Variants in PLPPR5 observed in about 807,000 individuals in gnomAD.
PLPPR5 encodes phospholipid phosphatase related 5, also known as phospholipid phosphatase-related protein type 5.
In PLPPR5, 16 loss-of-function variants were observed where a neutral mutation model predicts 33.9. That is an observed-to-expected ratio of 0.47 (90% CI 0.32 to 0.72). PLPPR5 has a LOEUF of 0.72. PLPPR5 is among the 30% of genes least tolerant of loss of function. PLPPR5 has a pLI of 0.03. For synonymous variants in PLPPR5, 163 were observed against 150.3 expected, an observed-to-expected ratio of 1.08 and a Z score of -0.62; for missense variants, 301 against 406.7, an observed-to-expected ratio of 0.74 and a Z score of 2.23.
chr1:98,953,384 T>C, intron 2 of PLPPR5, 64 bp from the exon 3 acceptor site: 1 of 1,423,416 alleles, frequency 7.0e-7, no homozygotes, highest in Non-Finnish European at 9.5e-7. Flanking sequence ...TGTGTGTGTG[T>C]GTGTGTGTGT....
chr1:98,898,612 ATTAG>A (rs1648571176), intron 5 of PLPPR5, among the ~76,000 whole-genome samples: 1 of 152,286 alleles, frequency 6.6e-6, no homozygotes, highest in East Asian at 1.9e-4. Flanking sequence ...TTAAGAAGAA[ATTAG>A]TTAAACTCAG....
chr1:98,966,689 G>A (rs533600167), intron 1 of PLPPR5, among the ~76,000 whole-genome samples: 21 of 152,186 alleles, frequency 1.4e-4, no homozygotes, highest in Admixed American at 1.2e-3. Context: ...TTTGAGTTGC[G>A]GATCTGAACC....
intron 1 of PLPPR5, among the ~76,000 whole-genome samples, chr1:98,969,608 C>T (rs527999408): frequency 2.2e-4 from 34 of 152,150 alleles, no homozygotes; most frequent in African/African-American, 8.2e-4. Flanking sequence ...CTTTTCCTCA[C>T]TGGACTTCCT....
At chr1:98,999,918 T>C (rs1652763361) in intron 1 of PLPPR5, among the ~76,000 whole-genome samples, 1 of 152,174 alleles carries the variant, frequency 6.6e-6, no homozygotes, top group South Asian at 2.1e-4. Context: ...GCTGCCTTGG[T>C]TGGTGCTGGT....
rs1648223575 is a variant in PLPPR5, at chr1:98,890,256, A to G, written c.*2816T>C. ...TTACAAAGTCAAAATTCAGTTTTCA[A>G]TTGAATTTTTAAATTTTTATTTGAA... is the stretch of plus-strand genomic sequence containing the variant. On this transcript the variant is annotated 3_prime_UTR_variant, in exon 6 of 6. Transcript: ENST00000263177. 6.8e-6 allele frequency: 1 copy of G among 146,456 alleles called. No individual in the cohort carries two copies. The highest frequency in any genetic ancestry group is 2.1e-4 in the South Asian group (1 of 4,664). 9.1% of individuals were successfully genotyped at this position (146,456 alleles called of 1,614,324 possible). A position where few individuals can be genotyped will look rare whatever the true frequency, so the allele number is the denominator to read the frequency against.
chr1:98,991,404 T>C (rs1046289774), intron 1 of PLPPR5: 1 of 152,132 alleles, frequency 6.6e-6, no homozygotes, highest in African/African-American at 2.4e-5. Context: ...CACTTTCTAC[T>C]CCATTTTCTA....
chr1:98,918,535 C>T (rs1649441708), intron 4 of PLPPR5, among the ~76,000 whole-genome samples: 2 of 152,068 alleles, frequency 1.3e-5, no homozygotes, highest in South Asian at 4.1e-4. Context: ...TAACCTGAAA[C>T]AAAATGCCCA....
rs187128816 is a variant in PLPPR5 at position 98,939,799 on chromosome 1, G to A, written c.621+13271C>T. Among the ~76,000 whole-genome samples the A allele has an allele frequency of 4.1e-4, 63 of 152,034 alleles. 1 individual carries two copies. The highest frequency in any genetic ancestry group is 6.6e-4 in the Non-Finnish European group (45 of 67,934). ...TTCCTGTTGTCTGGTCTTGGCTGTG[G>A]TTCTGGCTGCTTAGGTTCTATCAGT... On this transcript the variant is annotated intron_variant, in intron 3 of 5. Coordinates refer to ENST00000263177, the MANE Select transcript of PLPPR5 (RefSeq NM_001037317.2).
At chr1:98,933,806 ATG>A (rs1650075031) in intron 3 of PLPPR5, among the ~76,000 whole-genome samples, 1 of 152,180 alleles carries the variant, frequency 6.6e-6, no homozygotes, top group African/African-American at 2.4e-5. Flanking sequence ...GCATGTAGTG[ATG>A]TGAGGAAAGG....
At chr1:98,972,799 G>A (rs1276705890) in intron 1 of PLPPR5, among the ~76,000 whole-genome samples, 1 of 152,026 alleles carries the variant, frequency 6.6e-6, no homozygotes, top group African/African-American at 2.4e-5. Context: ...GCCCTGATCT[G>A]GGGCTAGTGT....
intron 1 of PLPPR5, among the ~76,000 whole-genome samples, chr1:99,002,018 G>GTAACTCAACAAATGATGGGTACTGT (rs1553173379): frequency 1.3e-5 from 2 of 152,034 alleles, no homozygotes; most frequent in Non-Finnish European, 2.9e-5. Context: ...GAAGAAAGTA[G>GTAACTCAACAAATGATGGGTACTGT]TAACTCAACA....
chr1:98,947,197 C>T (rs1392034453), intron 3 of PLPPR5, among the ~76,000 whole-genome samples: 1 of 152,134 alleles, frequency 6.6e-6, no homozygotes, highest in Non-Finnish European at 1.5e-5. Context: ...CATCATAAGC[C>T]CACATGCATT....
chr1:98,923,802 G>C (rs971365389), intron 3 of PLPPR5, among the ~76,000 whole-genome samples: 2 of 152,194 alleles, frequency 1.3e-5, no homozygotes, highest in South Asian at 2.1e-4. Context: ...AGGAAGAGAT[G>C]AGAAAGAGAA....
chr1:98,911,861 G>A (rs923251905), intron 5 of PLPPR5, among the ~76,000 whole-genome samples: 2 of 151,988 alleles, frequency 1.3e-5, no homozygotes, highest in Non-Finnish European at 2.9e-5. Flanking sequence ...CTGGGCTCAA[G>A]CAATCCTCCT....
chr1:98,891,666 T>G lies in PLPPR5; in HGVS notation c.*1406A>C, dbSNP rs560665350. ...ACAAAAAGCCTCACATCTAGACTCT[T>G]GATATTATCTTAAAACTGGATTATA... On this transcript the variant is annotated 3_prime_UTR_variant, in exon 6 of 6. Coordinates refer to ENST00000263177, the MANE Select transcript of PLPPR5 (RefSeq NM_001037317.2). 30 of 152,216 alleles carry G rather than the reference T, an allele frequency of 2.0e-4. No homozygotes were observed. The highest frequency in any genetic ancestry group is 6.5e-4 in the African/African-American group (27 of 41,554). 9.4% of individuals were successfully genotyped at this position (152,216 alleles called of 1,614,324 possible). A position where few individuals can be genotyped will look rare whatever the true frequency, so the allele number is the denominator to read the frequency against.
chr1:98,986,127 TTAAG>T (rs1248666037), intron 1 of PLPPR5, among the ~76,000 whole-genome samples: 9 of 151,968 alleles, frequency 5.9e-5, no homozygotes, highest in African/African-American at 2.2e-4. Context: ...TTATATTAAA[TTAAG>T]TAATGGATAT....
intron 3 of PLPPR5, among the ~76,000 whole-genome samples, chr1:98,947,647 G>A (rs966236452): frequency 6.6e-6 from 1 of 152,174 alleles, no homozygotes; most frequent in Non-Finnish European, 1.5e-5. Context: ...TGGGGAAAGG[G>A]AGACAGGGTT....
At chr1:98,905,156 T>C (rs1017528043) in intron 5 of PLPPR5, among the ~76,000 whole-genome samples, 1 of 152,174 alleles carries the variant, frequency 6.6e-6, no homozygotes, top group African/African-American at 2.4e-5. Context: ...TTAAAGTCCC[T>C]TTATGGAAGG....
At chr1:98,983,219 C>T (rs1188856170) in intron 1 of PLPPR5, among the ~76,000 whole-genome samples, 211 of 143,504 alleles carry the variant, frequency 1.5e-3, no homozygotes, top group Non-Finnish European at 2.5e-3. Context: ...GTATATCTCC[C>T]AATGCTATCC....
Sources: allele counts gnomAD v4.1 joint callset (sites outside exome capture counted in the v4.1 genomes callset), GRCh38; gene constraint gnomAD v4.1.1; transcripts MANE v1.5; gene names NCBI Gene and HGNC (gene_info 2026-07-23, HGNC 2026-07-21).